The following SLC2A13 variants were observed in gnomAD, a reference collection of about 807,000 sequenced individuals.
SLC2A13 encodes solute carrier family 2 member 13, also known as proton myo-inositol cotransporter.
SLC2A13 carries 32 observed loss-of-function variants against 64.4 expected under a neutral mutation model. That is an observed-to-expected ratio of 0.50 (90% CI 0.37 to 0.67). The LOEUF (loss-of-function observed/expected upper bound fraction) is 0.67. Ranked by LOEUF, SLC2A13 falls within the 30% of genes least tolerant of loss-of-function variation. The pLI, the probability that SLC2A13 is intolerant of heterozygous loss-of-function variation, is 0.00. For missense variants in SLC2A13, 743 were observed against 829.2 expected (o/e 0.90, Z 1.28); for synonymous variants, 338 against 327.1 (o/e 1.03, Z -0.36).
intron 1 of SLC2A13, among the ~76,000 whole-genome samples, chr12:40,064,952 A>G (rs1466567099): frequency 6.6e-6 from 1 of 152,198 alleles, no homozygotes; most frequent in Non-Finnish European, 1.5e-5. Context: ...GCATTTAAAA[A>G]CTAAATATTG....
chr12:39,794,599 C>T (rs113006902), intron 7 of SLC2A13, among the ~76,000 whole-genome samples: 1,993 of 152,244 alleles, frequency 0.013, 46 homozygotes, highest in African/African-American at 0.045. Context: ...TCAAAGAAGG[C>T]AAAGGCAGAG....
chr12:39,793,660 G>C (rs1158411381), intron 7 of SLC2A13, among the ~76,000 whole-genome samples: 3 of 152,146 alleles, frequency 2.0e-5, no homozygotes, highest in Non-Finnish European at 2.9e-5. Flanking sequence ...GCGTTAGGTA[G>C]ATGGAGCTGG....
At chr12:40,017,976 T>TAAAAAAAAAAAA (rs5797648) in intron 3 of SLC2A13, among the ~76,000 whole-genome samples, 1 of 128,562 alleles carries the variant, frequency 7.8e-6, no homozygotes, top group Non-Finnish European at 1.6e-5. Context: ...TGCACATATT[T>TAAAAAAAAAAAA]AAAAAAAAAA....
At chr12:39,781,775 T>C (rs890508583) in intron 7 of SLC2A13, among the ~76,000 whole-genome samples, 1 of 152,204 alleles carries the variant, frequency 6.6e-6, no homozygotes, top group Non-Finnish European at 1.5e-5. Flanking sequence ...CGTGCTTCTC[T>C]TTAGAATGGG....
intron 4 of SLC2A13, among the ~76,000 whole-genome samples, chr12:39,919,263 T>A (rs1565541817): frequency 1.3e-5 from 2 of 152,114 alleles, no homozygotes; most frequent in Non-Finnish European, 2.9e-5. Flanking sequence ...GAATATAAAC[T>A]GTATATGTGG....
chr12:40,063,398 C>G (rs1439700048), intron 1 of SLC2A13, among the ~76,000 whole-genome samples: 2 of 150,138 alleles, frequency 1.3e-5, no homozygotes, highest in Non-Finnish European at 2.9e-5. Context: ...CTTTGACAGA[C>G]AGGGGAACAA....
intron 6 of SLC2A13, 166 bp from the exon 7 acceptor site, chr12:39,830,394 G>C: frequency 7.3e-7 from 1 of 1,374,700 alleles, no homozygotes; most frequent in South Asian, 1.8e-5. Flanking sequence ...CCAGGTGAGA[G>C]CTGGCTGGTC....
At chr12:39,977,023 C>A (rs932470637) in intron 3 of SLC2A13, among the ~76,000 whole-genome samples, 1 of 152,114 alleles carries the variant, frequency 6.6e-6, no homozygotes, top group African/African-American at 2.4e-5. Flanking sequence ...ATGAAAACAA[C>A]ATACGTACTT....
intron 4 of SLC2A13, among the ~76,000 whole-genome samples, chr12:39,936,659 T>C (rs1302695997): frequency 1.3e-5 from 2 of 152,086 alleles, no homozygotes; most frequent in African/African-American, 2.4e-5. Context: ...ACAAGAGATA[T>C]TAGGGATATA....
At chr12:39,905,822 G>GGAAAA (rs71449497) in intron 4 of SLC2A13, among the ~76,000 whole-genome samples, 2 of 145,402 alleles carry the variant, frequency 1.4e-5, no homozygotes, top group Non-Finnish European at 3.0e-5. Flanking sequence ...AAAATGCCCA[G>GGAAAA]AAAAAAAAAA....
Position 39,812,996 on chromosome 12 carries a change from ATTTTTTTTT to A in SLC2A13, c.1445+17098_1445+17106del, listed in dbSNP as rs71449493. Reference sequence around the variant, plus strand: ...AGGCGCCTGACATCATGCCCAGCTAATTTTTTTTTTTTTTTTTTTTTTTTTTTTAGTAGA... The same window carrying A: ...AGGCGCCTGACATCATGCCCAGCTAATTTTTTTTTTTTTTTTTTTAGTAGA... On this transcript the variant is annotated intron_variant, in intron 7 of 9. Coordinates refer to ENST00000280871, the MANE Select transcript of SLC2A13 (RefSeq NM_052885.4). Among the ~76,000 whole-genome samples, 20 of 40,616 alleles carry A rather than the reference ATTTTTTTTT, an allele frequency of 4.9e-4. No homozygotes were observed. In the South Asian group the frequency reaches 5.8e-3, roughly 12 times the overall value. The allele number at this position is 40,616 out of a possible 152,430, so 26.6% of individuals were successfully genotyped here.
intron 9 of SLC2A13, among the ~76,000 whole-genome samples, 168 bp from the exon 10 acceptor site, chr12:39,760,420 T>C (rs1940091936): frequency 6.6e-6 from 1 of 151,936 alleles, no homozygotes; most frequent in African/African-American, 2.4e-5. Flanking sequence ...GTTCCAACTC[T>C]GAGAATATGA....
At chr12:40,039,316 A>G (rs1948042945) in intron 2 of SLC2A13, among the ~76,000 whole-genome samples, 1 of 152,182 alleles carries the variant, frequency 6.6e-6, no homozygotes, top group African/African-American at 2.4e-5. Flanking sequence ...TTTGAATCTA[A>G]TAGCATTAAA....
chr12:40,061,256 T>C (rs1208502243), intron 1 of SLC2A13, among the ~76,000 whole-genome samples: 1 of 151,958 alleles, frequency 6.6e-6, no homozygotes, highest in East Asian at 1.9e-4. Context: ...ATGAATCAAA[T>C]GTACCAAGTA....
In SLC2A13 at chr12:40,006,580, G is replaced by C. The variant is rs965076900; in HGVS notation, c.925+21721C>G. On this transcript the variant is annotated intron_variant, in intron 3 of 9. Transcript: ENST00000280871. ...AATAATGAATAAATTCTAAGAGTCA[G>C]GTAAAATTTCTTTCTAATAGTCTAA... Among the ~76,000 whole-genome samples, 20 of 152,184 alleles carry C rather than the reference G, an allele frequency of 1.3e-4. No individual in the cohort carries two copies. In the East Asian group the frequency reaches 3.7e-3, roughly 28 times the overall value.
intron 4 of SLC2A13, among the ~76,000 whole-genome samples, chr12:39,875,337 C>A (rs1944155591): frequency 6.6e-6 from 1 of 152,202 alleles, no homozygotes; most frequent in Admixed American, 6.5e-5. Context: ...TTTGTCAAGT[C>A]CCTCTCATGC....
intron 4 of SLC2A13, among the ~76,000 whole-genome samples, chr12:39,901,326 C>A (rs986302143): frequency 2.6e-5 from 4 of 151,936 alleles, no homozygotes; most frequent in African/African-American, 2.4e-5. Context: ...GCAACAAAAG[C>A]CAAAATTGAC....
intron 3 of SLC2A13, among the ~76,000 whole-genome samples, chr12:39,965,347 G>A (rs1333609626): frequency 6.6e-6 from 1 of 152,142 alleles, no homozygotes; most frequent in Non-Finnish European, 1.5e-5. Flanking sequence ...GGATTTCTAT[G>A]AAGAACTGAT....
intron 1 of SLC2A13, among the ~76,000 whole-genome samples, chr12:40,100,771 TTGGCCAACA>T (rs1242666795): frequency 6.6e-6 from 1 of 151,798 alleles, no homozygotes; most frequent in Non-Finnish European, 1.5e-5. Context: ...CGAGACCAGC[TTGGCCAACA>T]TGGTGAAACC....
Sources: gnomAD v4.1 joint callset for allele counts (sites outside exome capture counted in the v4.1 genomes callset) on GRCh38, gnomAD v4.1.1 for gene constraint, MANE v1.5 for transcripts, NCBI Gene and HGNC (gene_info 2026-07-23, HGNC 2026-07-21) for gene names.